Variants in COX6B1 observed in about 807,000 individuals in gnomAD.
COX6B1 encodes the protein COX VIb-1.
In COX6B1, 2 loss-of-function variants were observed where a neutral mutation model predicts 14.0. The observed-to-expected ratio is 0.14, with a 90% confidence interval of 0.06 to 0.45. The LOEUF is 0.45. Ranked by LOEUF, COX6B1 falls within the 20% of genes least tolerant of loss-of-function variation. The pLI is 0.98. For synonymous variants in COX6B1, 30 were observed against 39.7 expected (o/e 0.76, Z 0.92); for missense variants, 81 against 114.2 (o/e 0.71, Z 1.33).
intron 3 of COX6B1, among the ~76,000 whole-genome samples, chr19:35,656,127 G>C (rs1225529356): frequency 6.6e-6 from 1 of 152,152 alleles, no homozygotes; most frequent in African/African-American, 2.4e-5. Context: ...ACCGCACCCA[G>C]CTGAATCTTT....
intron 1 of COX6B1, among the ~76,000 whole-genome samples, chr19:35,650,446 T>G (rs1213536282): frequency 6.6e-6 from 1 of 152,188 alleles, no homozygotes; most frequent in Non-Finnish European, 1.5e-5. Context: ...GTTTGGTGTC[T>G]CCGTTCTGTA....
rs115617746 is a variant in COX6B1 at position 35,654,793 on chromosome 19, C to G, written c.207+122C>G. The G allele has an allele frequency of 1.4e-3, 1,125 of 805,478 alleles. 6 individuals carry two copies. The African/African-American group carries it at 0.018, about 13-fold the overall frequency. 49.9% of individuals were successfully genotyped at this position (805,478 alleles called of 1,614,324 possible). On this transcript the variant is annotated intron_variant, in intron 3 of 3. Coordinates refer to ENST00000649813, the MANE Select transcript of COX6B1 (RefSeq NM_001863.5). ...GGGAGGACAGGGCACCACACTGTCC[C>G]AGGACTCAGTGCCTTTCCTCCCGCC...
Position 35,658,751 on chromosome 19 carries a change from T to G in COX6B1, c.*104T>G. 9.8e-7 allele frequency: 1 copy of G among 1,017,782 alleles called. No homozygotes were observed. Among genetic ancestry groups the G allele is most frequent in the Non-Finnish European group, 1.5e-6 (1 of 650,444 alleles). 63.0% of individuals were successfully genotyped at this position (1,017,782 alleles called of 1,614,324 possible). A position where few individuals can be genotyped will look rare whatever the true frequency, so the allele number is the denominator to read the frequency against. On this transcript the variant is annotated 3_prime_UTR_variant, in exon 4 of 4. Transcript: ENST00000649813. ...CACCCCAGGATCCTAAATCATGACT[T>G]ACCTGCTAATAAAAACTCATTGGAA... is the stretch of plus-strand genomic sequence containing the variant.
At chr19:35,650,162 C>T (rs1437951644) in intron 1 of COX6B1, among the ~76,000 whole-genome samples, 2 of 151,758 alleles carry the variant, frequency 1.3e-5, no homozygotes, top group African/African-American at 2.4e-5. Flanking sequence ...TGCCACCACA[C>T]CCAGCTGATT....
At chr19:35,657,766 C>T (rs1284644614) in intron 3 of COX6B1, among the ~76,000 whole-genome samples, 2 of 150,586 alleles carry the variant, frequency 1.3e-5, no homozygotes, top group African/African-American at 4.9e-5. Context: ...AAGCAGTTCT[C>T]CCACCTCAGC....
rs2146374835 is a variant in COX6B1, at chr19:35,658,663, C to G, written c.*16C>G. ...GAAGATCTGAACTGGCTGCATCTCCCTTTCCTCTGTCCTCCATCCTTCTCC... is the reference window on the plus strand; with the variant it reads ...GAAGATCTGAACTGGCTGCATCTCCGTTTCCTCTGTCCTCCATCCTTCTCC... On this transcript the variant is annotated 3_prime_UTR_variant, in exon 4 of 4. Transcript: ENST00000649813. The G allele has an allele frequency of 6.2e-7, 1 of 1,612,818 alleles. No homozygotes were observed. The highest frequency in any genetic ancestry group is 1.3e-5 in the African/African-American group (1 of 74,996).
Position 35,654,613 on chromosome 19 carries a change from A to G in COX6B1, c.149A>G (p.Asp50Gly). The change falls in exon 3 of 4, where the codon GAT becomes GGT. Residue 50 changes from aspartate (D) to glycine (G), a missense_variant. Transcript: ENST00000649813. Reference protein sequence around the residue: ...CQKAMTAKGGDISVCEWYQRV... With the variant: ...CQKAMTAKGGGISVCEWYQRV... ...AAGGCAATGACCGCTAAAGGAGGCG[A>G]TATCTCTGTGTGCGAATGGTACCAG... The G allele has an allele frequency of 6.2e-7, 1 of 1,614,086 alleles. No individual in the cohort carries two copies. Among genetic ancestry groups the G allele is most frequent in the South Asian group, 1.1e-5 (1 of 91,076 alleles).
Position 35,655,816 on chromosome 19 carries a change from T to C in COX6B1, c.207+1145T>C, listed in dbSNP as rs138764368. On this transcript the variant is annotated intron_variant, in intron 3 of 3. Coordinates refer to ENST00000649813, the MANE Select transcript of COX6B1 (RefSeq NM_001863.5). ...GTCGCCCTCTCGCTCTCTCTTGCTC[T>C]CTTTCTCTCTCGCTCTCTCTTTCTC... Among the ~76,000 whole-genome samples, 86 of 148,740 alleles carry C rather than the reference T, an allele frequency of 5.8e-4. 1 individual carries two copies. Among genetic ancestry groups the C allele is most frequent in the African/African-American group, 2.0e-3 (80 of 40,416 alleles).
chr19:35,657,158 C>T (rs1967896305), intron 3 of COX6B1, among the ~76,000 whole-genome samples: 1 of 151,860 alleles, frequency 6.6e-6, no homozygotes, highest in Non-Finnish European at 1.5e-5. Context: ...ATACAACTCA[C>T]CATACTATAG....
chr19:35,648,729 C>T, intron 1 of COX6B1: 1 of 438,092 alleles, frequency 2.3e-6, no homozygotes, highest in East Asian at 6.9e-5. Flanking sequence ...AGGATTTGGC[C>T]CAGGAGTTTG....
intron 1 of COX6B1, chr19:35,649,049 G>T: frequency 2.3e-6 from 1 of 440,938 alleles, no homozygotes; most frequent in Non-Finnish European, 4.7e-6. Context: ...GCAAGTCTCT[G>T]TATAGCCCCA....
In COX6B1 at chr19:35,656,723, C is replaced by A. The variant is rs895185240; in HGVS notation, c.208-1871C>A. Among the ~76,000 whole-genome samples, 3 of 152,102 alleles carry A rather than the reference C, an allele frequency of 2.0e-5. No homozygotes were observed. In the South Asian group the frequency reaches 6.2e-4, roughly 31 times the overall value. The stretch of plus-strand genomic sequence containing the variant: ...CTCAAACTCCTGACCTCAGGTGATG[C>A]ACCTGCTTCGGCCTCCCAAAGTTCT... On this transcript the variant is annotated intron_variant, in intron 3 of 3. Transcript: ENST00000649813.
chr19:35,651,333 C>CG lies in COX6B1; in HGVS notation c.90_91insG (p.Trp31ValfsTer17). ...CCAACCAGAACCAGACTAGAAACTG[C>CG]TGGCAGAACTACCTGGGTAAGCAGG... On this transcript the variant is annotated frameshift_variant, in exon 2 of 4. Transcript: ENST00000649813. LOFTEE classifies it high-confidence loss of function. The CG allele has an allele frequency of 1.2e-6, 2 of 1,613,730 alleles. No homozygotes were observed. The highest frequency in any genetic ancestry group is 1.7e-6 in the Non-Finnish European group (2 of 1,179,694).
chr19:35,652,588 C>T (rs1370332244), intron 2 of COX6B1, among the ~76,000 whole-genome samples: 1 of 150,920 alleles, frequency 6.6e-6, no homozygotes, highest in Non-Finnish European at 1.5e-5. Context: ...GCACCCGCCA[C>T]CATGCCCAGC....
chr19:35,651,050 C>T (rs757869128), intron 1 of COX6B1, among the ~76,000 whole-genome samples, 183 bp from the exon 2 acceptor site: 7 of 152,118 alleles, frequency 4.6e-5, no homozygotes, highest in Non-Finnish European at 5.9e-5. Context: ...CCAACCCTGC[C>T]GCGACCTCGA....
intron 1 of COX6B1, among the ~76,000 whole-genome samples, chr19:35,649,776 G>A (rs944755717): frequency 2.6e-5 from 4 of 151,530 alleles, no homozygotes; most frequent in African/African-American, 7.3e-5. Context: ...CACCTCTTCC[G>A]GCCAATTTTA....
chr19:35,648,939 C>T (rs748964206), intron 1 of COX6B1: 1 of 533,278 alleles, frequency 1.9e-6, no homozygotes, highest in African/African-American at 1.9e-5. Flanking sequence ...GTCTGTGCCC[C>T]AGCAGCTGGT....
intron 3 of COX6B1, among the ~76,000 whole-genome samples, chr19:35,657,986 CT>C (rs1268569874): frequency 6.6e-6 from 1 of 151,932 alleles, no homozygotes; most frequent in East Asian, 1.9e-4. Flanking sequence ...AGATGGGGGT[CT>C]TGCCGTGTTG....
intron 2 of COX6B1, 123 bp downstream of exon 2, chr19:35,651,472 G>A: frequency 1.3e-6 from 1 of 749,716 alleles, no homozygotes; most frequent in Non-Finnish European, 2.4e-6. Flanking sequence ...GAAGGCCCAT[G>A]CCTCTCATCA....
Sources: allele counts gnomAD v4.1 joint callset (sites outside exome capture counted in the v4.1 genomes callset), GRCh38; gene constraint gnomAD v4.1.1; transcripts MANE v1.5; gene names NCBI Gene and HGNC (gene_info 2026-07-23, HGNC 2026-07-21).